STPG2: variants seen among roughly 807,000 people sequenced by gnomAD.
STPG2 encodes the protein sperm-tail PG-rich repeat-containing protein 2.
STPG2 carries 56 observed loss-of-function variants against 54.2 expected under a neutral mutation model. The observed-to-expected ratio is 1.03, with a 90% CI of 0.83 to 1.29. The LOEUF is 1.29. Among genes scored for constraint, STPG2 ranks in the 50% most tolerant of loss-of-function variants. STPG2 has a pLI of 0.00. For missense variants in STPG2, 596 were observed against 544.9 expected (o/e 1.09, Z -0.93); for synonymous variants, 200 against 181.8 (o/e 1.10, Z -0.81).
chr4:98,020,858 G>A (rs558406267), intron 5 of STPG2, among the ~76,000 whole-genome samples: 4 of 152,174 alleles, frequency 2.6e-5, no homozygotes, highest in African/African-American at 9.6e-5. Context: ...TGGGATTGGT[G>A]GTGATATCCC....
intron 6 of STPG2, among the ~76,000 whole-genome samples, chr4:97,978,375 T>C (rs1217219139): frequency 6.6e-6 from 1 of 152,056 alleles, no homozygotes; most frequent in African/African-American, 2.4e-5. Flanking sequence ...TGGATGGAGC[T>C]ACAGGCCATT....
intron 5 of STPG2, among the ~76,000 whole-genome samples, chr4:98,002,950 G>A (rs2149276871): frequency 6.6e-6 from 1 of 152,142 alleles, no homozygotes; most frequent in African/African-American, 2.4e-5. Context: ...CAATGAGAAG[G>A]ATAATATTGT....
intron 10 of STPG2, among the ~76,000 whole-genome samples, chr4:97,577,950 T>C (rs1027120710): frequency 1.8e-4 from 27 of 152,060 alleles, no homozygotes; most frequent in Admixed American, 1.6e-3. Flanking sequence ...CCTCAAAAAA[T>C]AAAGTTATTA....
intron 8 of STPG2, among the ~76,000 whole-genome samples, chr4:97,920,565 T>C (rs1196607891): frequency 6.6e-6 from 1 of 152,052 alleles, no homozygotes; most frequent in East Asian, 1.9e-4. Flanking sequence ...TTTTATCTCC[T>C]TATTAAGAGT....
In STPG2 at chr4:97,943,984, C is replaced by G. The variant is rs374105338; in HGVS notation, c.957G>C (p.Val319=). The G allele has an allele frequency of 3.1e-6, 5 of 1,608,120 alleles. No individual in the cohort carries two copies. In the African/African-American group the frequency reaches 6.7e-5, roughly 22 times the overall value. The change falls in exon 8 of 11, where the codon GTG becomes GTC. Residue 319 remains valine (V), a synonymous_variant. Coordinates refer to ENST00000295268, the MANE Select transcript of STPG2 (RefSeq NM_174952.3). ...AGTTAGGTAATTCATCAGAAATTCCCACACCCTGTGAATGCCAAAATTCCT... is the reference window on the plus strand; with the variant it reads ...AGTTAGGTAATTCATCAGAAATTCCGACACCCTGTGAATGCCAAAATTCCT... The part of the protein sequence containing the change: ...DYQEFWHSQG[V]GISDELPNLT...
At chr4:98,100,673 T>TG (rs1374201084) in intron 5 of STPG2, among the ~76,000 whole-genome samples, 20 of 140,640 alleles carry the variant, frequency 1.4e-4, no homozygotes, top group Admixed American at 2.9e-4. Context: ...TTTTTTTTTT[T>TG]TTTTTTTTTT....
intron 4 of STPG2, among the ~76,000 whole-genome samples, chr4:97,443,202 T>C (rs915884289): frequency 3.3e-5 from 5 of 152,270 alleles, no homozygotes; most frequent in South Asian, 2.1e-4. Flanking sequence ...AGGAATCTTT[T>C]AGTTTCTAAA....
chr4:98,094,068 C>T (rs888047026), intron 5 of STPG2, among the ~76,000 whole-genome samples: 1 of 152,160 alleles, frequency 6.6e-6, no homozygotes, highest in African/African-American at 2.4e-5. Context: ...TAGGGAGATA[C>T]CAGCTGGTGC....
At position 97,829,871 on chromosome 4, in the gene STPG2, G is replaced by A. The variant is rs142478424; in HGVS notation, c.1204+10902C>T. Among the ~76,000 whole-genome samples the A allele has an allele frequency of 4.4e-3, 665 of 152,194 alleles. 3 individuals are homozygous for A. The highest frequency in any genetic ancestry group is 0.024 in the South Asian group (116 of 4,816). On this transcript the variant is annotated intron_variant, in intron 9 of 10. Transcript: ENST00000295268. ...CAAAGCCTCCAAGAAATATGGAACT[G>A]TGTAAAAAGAACAAATCTACGTTTG...
At chr4:98,081,423 A>T (rs34267968) in intron 5 of STPG2, among the ~76,000 whole-genome samples, 59,848 of 151,708 alleles carry the variant, frequency 0.39, 12,000 homozygotes, top group Middle Eastern at 0.46. Flanking sequence ...GAGAGATAAA[A>T]GCTAAGGGGG....
At chr4:97,942,766 CA>C (rs1733038831) in intron 8 of STPG2, among the ~76,000 whole-genome samples, 1 of 152,144 alleles carries the variant, frequency 6.6e-6, no homozygotes, top group South Asian at 2.1e-4. Context: ...GGCATTATCT[CA>C]CGTAGCAGAA....
chr4:97,691,872 C>T (rs919832120), intron 10 of STPG2, among the ~76,000 whole-genome samples: 1 of 152,120 alleles, frequency 6.6e-6, no homozygotes, highest in African/African-American at 2.4e-5. Context: ...TCACAAGACT[C>T]TTTGCAGACA....
chr4:97,556,742 C>T (rs1271919045), downstream of STPG2, among the ~76,000 whole-genome samples: 1 of 152,110 alleles, frequency 6.6e-6, no homozygotes, highest in African/African-American at 2.4e-5. Flanking sequence ...AATAATTTCT[C>T]TCCTATATTT....
intron 8 of STPG2, among the ~76,000 whole-genome samples, chr4:97,875,717 TA>T (rs1262144231): frequency 4.0e-5 from 6 of 151,630 alleles, no homozygotes; most frequent in Non-Finnish European, 8.8e-5. Context: ...ACAAAAATTA[TA>T]ATTAGTATGC....
chr4:97,934,642 A>C (rs1240473801), intron 8 of STPG2, among the ~76,000 whole-genome samples: 1 of 152,080 alleles, frequency 6.6e-6, no homozygotes, highest in Admixed American at 6.6e-5. Flanking sequence ...ATTAGTTCTG[A>C]TTATGTGATG....
intron 4 of STPG2, among the ~76,000 whole-genome samples, chr4:97,501,415 A>C (rs1182957336): frequency 6.6e-6 from 1 of 152,102 alleles, no homozygotes; most frequent in Non-Finnish European, 1.5e-5. Flanking sequence ...AAAAAAAATA[A>C]AGCATTATAT....
intron 9 of STPG2, among the ~76,000 whole-genome samples, chr4:97,727,821 C>T (rs1724672151): frequency 6.6e-6 from 1 of 151,124 alleles, no homozygotes; most frequent in Admixed American, 6.6e-5. Flanking sequence ...TTTCAACATA[C>T]TAAGTCTAAA....
chr4:97,557,310 C>G (rs1732100737), downstream of STPG2, among the ~76,000 whole-genome samples: 1 of 152,106 alleles, frequency 6.6e-6, no homozygotes, highest in African/African-American at 2.4e-5. Context: ...TTGTAATTCC[C>G]TAGTTAGCAA....
intron 5 of STPG2, among the ~76,000 whole-genome samples, chr4:98,017,762 T>C (rs1294559603): frequency 6.6e-6 from 1 of 152,140 alleles, no homozygotes. Context: ...GAGGACCTGG[T>C]GGGAGGAGAC....
Sources: gnomAD v4.1 joint callset for allele counts (sites outside exome capture counted in the v4.1 genomes callset) on GRCh38, gnomAD v4.1.1 for gene constraint, MANE v1.5 for transcripts, NCBI Gene and HGNC (gene_info 2026-07-23, HGNC 2026-07-21) for gene names.